ZCWPW1: variants seen among roughly 807,000 people sequenced by gnomAD.
The protein encoded by ZCWPW1 is zinc finger CW-type PWWP domain protein 1.
In ZCWPW1, 56 loss-of-function variants were observed where a neutral mutation model predicts 81.3. That is an observed-to-expected ratio of 0.69 (90% CI 0.56 to 0.86). ZCWPW1 has a LOEUF of 0.86. Among genes scored for constraint, ZCWPW1 ranks in the 40% least tolerant of loss-of-function variants. ZCWPW1 has a pLI of 0.00. For missense variants in ZCWPW1, 650 were observed against 769.8 expected (o/e 0.84, Z 1.84); for synonymous variants, 250 against 273.7 (o/e 0.91, Z 0.86).
At chr7:100,417,899 T>G (rs1489254977) in intron 5 of ZCWPW1, among the ~76,000 whole-genome samples, 1 of 152,010 alleles carries the variant, frequency 6.6e-6, no homozygotes, top group African/African-American at 2.4e-5. Context: ...TTTGGTTTTT[T>G]TTTGAGACAG....
intron 8 of ZCWPW1, among the ~76,000 whole-genome samples, chr7:100,413,076 C>T (rs1019229978): frequency 2.0e-5 from 3 of 152,108 alleles, no homozygotes; most frequent in African/African-American, 4.8e-5. Context: ...AAGCCTAATA[C>T]CTAATCCTAA....
Position 100,428,540 on chromosome 7 carries a change from TTCCTGCTGGTC to T in ZCWPW1, c.-137+17_-137+27del, listed in dbSNP as rs1157086008. 5 of 152,864 alleles carry T rather than the reference TTCCTGCTGGTC, an allele frequency of 3.3e-5. No individual in the cohort carries two copies. The Admixed American group carries it at 3.3e-4, about 10-fold the overall frequency. The allele number at this position is 152,864 out of a possible 1,614,324, so 9.5% of individuals were successfully genotyped here. A position where few individuals can be genotyped will look rare whatever the true frequency, so the allele number is the denominator to read the frequency against. On this transcript the variant is annotated intron_variant, in intron 1 of 17. Transcript: ENST00000684423. ...TCTTTCCGTTCTCTAATTCCTCCTC[TTCCTGCTGGTC>T]TCCTTCACGCCCTCACCTTAGGATT...
At chr7:100,425,302 T>C (rs1008261053) in intron 1 of ZCWPW1, among the ~76,000 whole-genome samples, 166 bp from the exon 2 acceptor site, 3 of 152,002 alleles carry the variant, frequency 2.0e-5, no homozygotes, top group Non-Finnish European at 2.9e-5. Context: ...GGGCAGGGTG[T>C]GGGGTTGCGG....
intron 8 of ZCWPW1, among the ~76,000 whole-genome samples, chr7:100,414,249 T>A (rs1794747480): frequency 6.6e-6 from 1 of 152,248 alleles, no homozygotes; most frequent in Non-Finnish European, 1.5e-5. Flanking sequence ...GCAAACTATA[T>A]TATGCTTCCA....
intron 2 of ZCWPW1, among the ~76,000 whole-genome samples, chr7:100,421,387 A>G (rs1015716581): frequency 4.6e-5 from 7 of 152,178 alleles, no homozygotes; most frequent in African/African-American, 1.7e-4. Context: ...TAGAACACAC[A>G]TATAATTTGG....
chr7:100,402,165 T>A, intron 16 of ZCWPW1, 124 bp from the exon 17 acceptor site: 2 of 1,286,578 alleles, frequency 1.6e-6, no homozygotes, highest in East Asian at 2.3e-5. Context: ...TAGTGAGTTT[T>A]CCTGGTGGCC....
Position 100,402,591 on chromosome 7 carries a change from G to T in ZCWPW1, c.1414-15C>A. The T allele has an allele frequency of 8.1e-6, 13 of 1,613,642 alleles. No individual in the cohort carries two copies. Among genetic ancestry groups the T allele is most frequent in the African/African-American group, 1.3e-5 (1 of 75,028 alleles). Reference sequence around the variant, plus strand: ...AAAATTGGGTCCTGAGGATGGGAGAGAAAGTTTAAAAAAATGATAAATCAA... The same window carrying T: ...AAAATTGGGTCCTGAGGATGGGAGATAAAGTTTAAAAAAATGATAAATCAA... On this transcript the variant is annotated splice_polypyrimidine_tract_variant and intron_variant, in intron 15 of 17. Coordinates refer to ENST00000684423, the MANE Select transcript of ZCWPW1 (RefSeq NM_001386010.1).
intron 8 of ZCWPW1, among the ~76,000 whole-genome samples, chr7:100,414,094 G>C (rs759862173): frequency 6.6e-6 from 1 of 152,138 alleles, no homozygotes; most frequent in African/African-American, 2.4e-5. Flanking sequence ...CGGGTAGTCT[G>C]AACTCCAGGC....
At chr7:100,408,799 G>T (rs780577303) in intron 9 of ZCWPW1, 140 bp from the exon 10 acceptor site, 78 of 995,972 alleles carry the variant, frequency 7.8e-5, no homozygotes, top group Non-Finnish European at 7.0e-6. Flanking sequence ...GATCAGCACA[G>T]AGGAAGAATA....
intron 2 of ZCWPW1, among the ~76,000 whole-genome samples, 151 bp from the exon 3 acceptor site, chr7:100,420,829 GAAT>G (rs1414901523): frequency 6.6e-6 from 1 of 152,162 alleles, no homozygotes; most frequent in East Asian, 1.9e-4. Flanking sequence ...ACACACCAGG[GAAT>G]AATGAGTTAC....
chr7:100,413,883 C>A (rs988057500), intron 8 of ZCWPW1, among the ~76,000 whole-genome samples: 3 of 152,082 alleles, frequency 2.0e-5, no homozygotes, highest in Admixed American at 2.0e-4. Flanking sequence ...TGCGCCAGGC[C>A]TCTTACAGTA....
Position 100,405,038 on chromosome 7 carries a change from T to G in ZCWPW1, c.1229A>C (p.Gln410Pro), listed in dbSNP as rs756945353. 1 of 1,613,602 alleles carries G rather than the reference T, an allele frequency of 6.2e-7. No homozygotes were observed. The highest frequency in any genetic ancestry group is 1.7e-5 in the Admixed American group (1 of 59,990). Residue 410 changes from glutamine (Q) to proline (P), a missense_variant, in exon 13 of 18, where the codon CAA (glutamine) becomes CCA (proline). Transcript: ENST00000684423. ...QKLGVALMMA[Q>P]EAEQISIQER... Reference sequence around the variant, plus strand: ...CTGAATGCTGATCTGTTCTGCCTCTTGAGCCATCATCAGGGCCACCCCCAG... The same window carrying G: ...CTGAATGCTGATCTGTTCTGCCTCTGGAGCCATCATCAGGGCCACCCCCAG...
chr7:100,416,560 C>T (rs369172991), intron 6 of ZCWPW1, 104 bp from the exon 7 acceptor site: 144 of 1,224,306 alleles, frequency 1.2e-4, no homozygotes, highest in Admixed American at 3.5e-4. Context: ...ATCCTAAGCT[C>T]TCTAAGACCT....
chr7:100,409,343 G>T (rs761559512), intron 9 of ZCWPW1, 85 bp downstream of exon 9: 2 of 1,063,946 alleles, frequency 1.9e-6, no homozygotes, highest in Non-Finnish European at 1.4e-6. Context: ...CTATATTTAC[G>T]TAGTATTTAA....
Position 100,423,926 on chromosome 7 carries a change from C to T in ZCWPW1, c.-30+1104G>A, listed in dbSNP as rs577617678. On this transcript the variant is annotated intron_variant, in intron 2 of 17. Transcript: ENST00000684423. ...TCTACTAAAAATACAAAAAATTAGCCGGGCGTGGTGGCGGGCGCCTGTAAT... is the reference window on the plus strand; with the variant it reads ...TCTACTAAAAATACAAAAAATTAGCTGGGCGTGGTGGCGGGCGCCTGTAAT... 2.3e-3 allele frequency among the ~76,000 whole-genome samples: 348 copies of T among 151,960 alleles called. 2 individuals are homozygous for T. Among genetic ancestry groups the T allele is most frequent in the African/African-American group, 8.0e-3 (333 of 41,460 alleles).
chr7:100,414,990 A>G (rs1488589438), intron 8 of ZCWPW1, among the ~76,000 whole-genome samples: 5 of 146,662 alleles, frequency 3.4e-5, no homozygotes, highest in African/African-American at 7.6e-5. Flanking sequence ...GCGCCACCGC[A>G]CTCCAGCCTG....
intron 15 of ZCWPW1, among the ~76,000 whole-genome samples, chr7:100,402,866 T>C (rs1423762790): frequency 2.6e-5 from 4 of 152,160 alleles, no homozygotes; most frequent in Non-Finnish European, 5.9e-5. Context: ...TGAAAATATA[T>C]ATTTCCTATA....
chr7:100,421,981 T>C (rs182799510), intron 2 of ZCWPW1, among the ~76,000 whole-genome samples: 1 of 152,290 alleles, frequency 6.6e-6, no homozygotes, highest in East Asian at 1.9e-4. Flanking sequence ...CGTGAGCCAC[T>C]ACACCCGGCC....
At chr7:100,405,888 G>A (rs763147936) in intron 12 of ZCWPW1, among the ~76,000 whole-genome samples, 5 of 152,188 alleles carry the variant, frequency 3.3e-5, no homozygotes, top group African/African-American at 1.2e-4. Flanking sequence ...GCCTCCCAAA[G>A]TGCTGGGATT....
Sources: allele counts gnomAD v4.1 joint callset (sites outside exome capture counted in the v4.1 genomes callset), GRCh38; gene constraint gnomAD v4.1.1; transcripts MANE v1.5; gene names NCBI Gene and HGNC (gene_info 2026-07-23, HGNC 2026-07-21).